Variants in PSME4 observed in about 807,000 individuals in gnomAD.
PSME4 encodes proteasome activator subunit 4, also known as proteasome activator complex subunit 4.
PSME4 carries 89 observed loss-of-function variants against 253.9 expected under a neutral mutation model. The observed-to-expected ratio is 0.35, with a 90% CI of 0.30 to 0.42. PSME4 has a LOEUF of 0.42. Among genes scored for constraint, PSME4 ranks in the 10% least tolerant of loss-of-function variants. The probability of loss-of-function intolerance (pLI) is 1.00; values close to 1 mark genes in which losing one functional copy is unlikely to be tolerated. For missense variants in PSME4, 2,014 were observed against 2,195.2 expected (o/e 0.92, Z 1.65); for synonymous variants, 851 against 759.2 (o/e 1.12, Z -1.99).
At chr2:53,896,661 C>A in intron 32 of PSME4, 143 bp downstream of exon 32, 2 of 614,728 alleles carry the variant, frequency 3.3e-6, no homozygotes, top group South Asian at 5.0e-5. Context: ...ACTAAGTCAA[C>A]TGTTTCCTTC....
At chr2:53,931,151 G>A (rs931016432) in intron 10 of PSME4, among the ~76,000 whole-genome samples, 5 of 152,102 alleles carry the variant, frequency 3.3e-5, no homozygotes, top group Admixed American at 6.5e-5. Flanking sequence ...GGTGGCGGGC[G>A]CCTGTGATCC....
In PSME4 at chr2:53,949,435, A is replaced by G. The variant is rs1245491919; in HGVS notation, c.243-152T>C. 2.0e-5 allele frequency among the ~76,000 whole-genome samples: 3 copies of G among 150,554 alleles called. No individual in the cohort carries two copies. The East Asian group carries it at 5.9e-4, about 30-fold the overall frequency. ...AAGGAAAATGTGGCATATACAACAC[A>G]ATGGATTATTGTCTTTTTTTTTTTT... On this transcript the variant is annotated intron_variant, in intron 1 of 46. Coordinates refer to ENST00000404125, the MANE Select transcript of PSME4 (RefSeq NM_014614.3).
At chr2:53,876,744 G>C (rs545437329) in intron 41 of PSME4, among the ~76,000 whole-genome samples, 2 of 77,524 alleles carry the variant, frequency 2.6e-5, no homozygotes, top group African/African-American at 9.8e-5. Context: ...TTTGAGACAG[G>C]GTCTTGCGCT....
chr2:53,928,450 G>A (rs1218671024), intron 10 of PSME4, 147 bp from the exon 11 acceptor site: 1 of 646,952 alleles, frequency 1.5e-6, no homozygotes. Context: ...TGCAATCAAA[G>A]TTAACAATTA....
In PSME4 at chr2:53,864,918, A is replaced by T. The variant is rs1678496636; in HGVS notation, c.*660T>A. The T allele has an allele frequency of 6.6e-6, 1 of 152,644 alleles. No homozygotes were observed. The highest frequency in any genetic ancestry group is 2.4e-5 in the African/African-American group (1 of 41,464). 9.5% of individuals were successfully genotyped at this position (152,644 alleles called of 1,614,324 possible). On this transcript the variant is annotated 3_prime_UTR_variant, in exon 47 of 47. Coordinates refer to ENST00000404125, the MANE Select transcript of PSME4 (RefSeq NM_014614.3). ...AAATCACACATTGAATACACACAAC[A>T]ATCAGATTTCTTCACCAAACCCCCA...
chr2:53,960,422 A>G (rs1670432523), intron 1 of PSME4, among the ~76,000 whole-genome samples: 1 of 151,404 alleles, frequency 6.6e-6, no homozygotes, highest in Non-Finnish European at 1.5e-5. Flanking sequence ...AAAAAGGCAC[A>G]GGAGACAGCT....
intron 1 of PSME4, among the ~76,000 whole-genome samples, chr2:53,962,734 T>A (rs1308116161): frequency 6.6e-6 from 1 of 152,180 alleles, no homozygotes; most frequent in South Asian, 2.1e-4. Context: ...AGCACACAGC[T>A]GGGCACGGTG....
At chr2:53,969,001 T>C (rs1461567274) in intron 1 of PSME4, among the ~76,000 whole-genome samples, 1 of 152,172 alleles carries the variant, frequency 6.6e-6, no homozygotes, top group Non-Finnish European at 1.5e-5. Flanking sequence ...TCCCCAAAAA[T>C]GGTAGGTATT....
In PSME4 at chr2:53,872,150, T is replaced by C. The variant is rs191169040; in HGVS notation, c.5100+2189A>G. ...ACACCTCCAACTGATTTATGCTCTT[T>C]TCCAGTGACAGGGTCTACTTCTGAG... On this transcript the variant is annotated intron_variant, in intron 43 of 46. Transcript: ENST00000404125. Among the ~76,000 whole-genome samples, 32 of 152,350 alleles carry C rather than the reference T, an allele frequency of 2.1e-4. No homozygotes were observed. In the East Asian group the frequency reaches 6.2e-3, roughly 29 times the overall value.
intron 1 of PSME4, among the ~76,000 whole-genome samples, chr2:53,960,348 A>G (rs1670425962): frequency 6.6e-6 from 1 of 151,424 alleles, no homozygotes; most frequent in Non-Finnish European, 1.5e-5. Context: ...GCAGTGAGCC[A>G]ACATCAGGCC....
At position 53,970,725 on chromosome 2, in the gene PSME4, C is replaced by A. The variant is rs888662643; in HGVS notation, c.60G>T (p.Glu20Asp). The A allele has an allele frequency of 1.5e-5, 23 of 1,547,724 alleles. 1 individual carries two copies. The Middle Eastern group carries it at 1.3e-3, about 89-fold the overall frequency. ...GEPPEPGGRP[E>D]PGPRGFVPQK... ...GCGGGACGAAGCCCCGCGGGCCCGG[C>A]TCGGGACGCCCGCCCGGCTCCGGGG... The change falls in exon 1 of 47, where the codon GAG becomes GAT. Residue 20 changes from glutamate (E) to aspartate (D), a missense_variant. Transcript: ENST00000404125.
Position 53,931,975 on chromosome 2 carries a change from A to G in PSME4, c.1176T>C (p.Asp392=), listed in dbSNP as rs560807469. 6.2e-7 allele frequency: 1 copy of G among 1,614,164 alleles called. No individual in the cohort carries two copies. The highest frequency in any genetic ancestry group is 2.2e-5 in the East Asian group (1 of 44,884). The change falls in exon 10 of 47, where the codon GAT becomes GAC. Residue 392 remains aspartate (D), a synonymous_variant. Coordinates refer to ENST00000404125, the MANE Select transcript of PSME4 (RefSeq NM_014614.3). ...TAATGCATTGTACAAAGTCTGTAAC[A>G]TCTTGATCAGTAAGCTTGTGGCTAT... ...VPDSHKLTDQ[D]VTDFVQCIIQ... is the part of the protein sequence containing the mutation.
rs1671050460 is a variant in PSME4, at chr2:53,970,849, G to A, written c.-65C>T. 9.9e-6 allele frequency: 12 copies of A among 1,210,924 alleles called. No homozygotes were observed. Among genetic ancestry groups the A allele is most frequent in the Non-Finnish European group, 1.1e-5 (11 of 956,746 alleles). 75.0% of individuals were successfully genotyped at this position (1,210,924 alleles called of 1,614,324 possible). On this transcript the variant is annotated 5_prime_UTR_variant, in exon 1 of 47. Coordinates refer to ENST00000404125, the MANE Select transcript of PSME4 (RefSeq NM_014614.3). Reference sequence around the variant, plus strand: ...CCTCCCCGGCCCCCACCCCTCTCCGGGCTCCGCCTCCTCCGCGTCTTCGTC... The same window carrying A: ...CCTCCCCGGCCCCCACCCCTCTCCGAGCTCCGCCTCCTCCGCGTCTTCGTC...
chr2:53,925,815 A>C (rs1668532446), intron 13 of PSME4, 126 bp from the exon 14 acceptor site: 2 of 1,264,528 alleles, frequency 1.6e-6, no homozygotes, highest in African/African-American at 3.0e-5. Flanking sequence ...TACGTGGTTC[A>C]CAAATCGATT....
intron 11 of PSME4, among the ~76,000 whole-genome samples, chr2:53,927,777 T>A (rs1328068113): frequency 6.6e-6 from 1 of 151,950 alleles, no homozygotes; most frequent in Non-Finnish European, 1.5e-5. Context: ...TGAAACCCTG[T>A]CTCTACTAAA....
chr2:53,906,454 C>T (rs1680663495), intron 26 of PSME4, 144 bp downstream of exon 26: 9 of 1,246,902 alleles, frequency 7.2e-6, no homozygotes, highest in South Asian at 2.6e-5. Flanking sequence ...GAGGTAATTA[C>T]TGGAAATTAC....
intron 1 of PSME4, among the ~76,000 whole-genome samples, chr2:53,950,248 C>A (rs1450765600): frequency 6.6e-6 from 1 of 151,580 alleles, no homozygotes; most frequent in Non-Finnish European, 1.5e-5. Flanking sequence ...CCACTATGCT[C>A]CATCTAGCCT....
chr2:53,955,002 A>T, intron 1 of PSME4, among the ~76,000 whole-genome samples: 1 of 150,152 alleles, frequency 6.7e-6, no homozygotes, highest in Non-Finnish European at 1.5e-5. Context: ...TAACAAGGAG[A>T]CCCCGTCTCT....
At chr2:53,948,371 T>C (rs375628884) in intron 3 of PSME4, 50 bp downstream of exon 3, 325 of 1,213,260 alleles carry the variant, frequency 2.7e-4, no homozygotes, top group Non-Finnish European at 3.7e-4. Flanking sequence ...ATCACCCCCC[T>C]AAAAAACCCC....
Sources: allele counts gnomAD v4.1 joint callset (sites outside exome capture counted in the v4.1 genomes callset), GRCh38; gene constraint gnomAD v4.1.1; transcripts MANE v1.5; gene names NCBI Gene and HGNC (gene_info 2026-07-23, HGNC 2026-07-21).